The following USP47 variants were observed in gnomAD, a reference collection of about 807,000 sequenced individuals.
USP47 encodes ubiquitin specific peptidase 47, also known as ubiquitin carboxyl-terminal hydrolase 47.
In USP47, 35 loss-of-function variants were observed where a neutral mutation model predicts 165.1. The observed-to-expected ratio is 0.21, with a 90% CI of 0.16 to 0.28. The LOEUF (loss-of-function observed/expected upper bound fraction) is 0.28. Ranked by LOEUF, USP47 falls within the 10% of genes least tolerant of loss-of-function variation. The pLI, the probability that USP47 is intolerant of heterozygous loss-of-function variation, is 1.00. For missense variants in USP47, 1,277 were observed against 1,607.4 expected (o/e 0.79, Z 3.52); for synonymous variants, 531 against 544.5 (o/e 0.98, Z 0.35).
intron 1 of USP47, among the ~76,000 whole-genome samples, chr11:11,869,320 T>A (rs893017344): frequency 2.2e-4 from 33 of 152,122 alleles, no homozygotes; most frequent in African/African-American, 7.7e-4. Context: ...TGAGAATTTT[T>A]TTTTTTTGCT....
intron 1 of USP47, among the ~76,000 whole-genome samples, chr11:11,862,703 C>T (rs576258932): frequency 1.3e-5 from 2 of 152,150 alleles, no homozygotes; most frequent in South Asian, 2.1e-4. Flanking sequence ...TTTGTATAAA[C>T]GTATGGGATA....
Position 11,875,033 on chromosome 11 carries a change from TTGTGTGTGTGTGTGTGTGTGTG to T in USP47, c.40-5116_40-5095del, listed in dbSNP as rs57342188. 2.6e-3 allele frequency among the ~76,000 whole-genome samples: 249 copies of T among 95,426 alleles called. 2 individuals are homozygous for T. Among genetic ancestry groups the T allele is most frequent in the Non-Finnish European group, 4.7e-3 (206 of 44,140 alleles). 62.6% of individuals were successfully genotyped at this position (95,426 alleles called of 152,430 possible). ...CCAAAAGGGAGAGAAAATTGACTTA[TTGTGTGTGTGTGTGTGTGTGTG>T]TGTGTGTGTGTGTGTGTGTGTGTGT... On this transcript the variant is annotated intron_variant, in intron 1 of 27. Coordinates refer to ENST00000527733, the MANE Select transcript of USP47 (RefSeq NM_001282659.2).
At chr11:11,897,511 C>G in intron 4 of USP47, 86 bp from the exon 5 acceptor site, 1 of 1,023,336 alleles carries the variant, frequency 9.8e-7, no homozygotes. Flanking sequence ...ACCTCTGAAT[C>G]TTTACTGTGA....
At chr11:11,948,626 T>C (rs572210041) in intron 22 of USP47, 68 bp downstream of exon 22, 1 of 1,424,056 alleles carries the variant, frequency 7.0e-7, no homozygotes. Context: ...GAATATATTT[T>C]ATTCATAGTC....
In USP47 at chr11:11,946,173, A is replaced by G. The variant is rs533787717; in HGVS notation, c.3092-1772A>G. ...AAGCTATGCTAAACATTTTACATGT[A>G]TTGACCCCAGAACATAACTTTGAGG... is the stretch of plus-strand genomic sequence containing the variant. On this transcript the variant is annotated intron_variant, in intron 20 of 27. Transcript: ENST00000527733. Among the ~76,000 whole-genome samples, 24 of 152,296 alleles carry G rather than the reference A, an allele frequency of 1.6e-4. No individual in the cohort carries two copies. The East Asian group carries it at 4.1e-3, about 26-fold the overall frequency.
intron 15 of USP47, 151 bp downstream of exon 15, chr11:11,933,267 A>G: frequency 1.4e-6 from 1 of 701,872 alleles, no homozygotes. Flanking sequence ...TAAAGGTAAA[A>G]TTTGATTTGA....
Position 11,950,420 on chromosome 11 carries a change from A to T in USP47, c.3521A>T (p.His1174Leu). 6.2e-7 allele frequency: 1 copy of T among 1,607,806 alleles called. No homozygotes were observed. Among genetic ancestry groups the T allele is most frequent in the East Asian group, 2.2e-5 (1 of 44,548 alleles). The stretch of plus-strand genomic sequence containing the variant: ...CCTGGCACTGTCTTTTTGGATTATC[A>T]TATTTATGAAGAAGATATTAATATT... ...KNPGTVFLDY[H>L]IYEEDINISS... is the part of the protein sequence containing the mutation. The change falls in exon 24 of 28, where the codon CAT becomes CTT. Residue 1174 changes from histidine (H) to leucine (L), a missense_variant. This residue lies in a region of USP47 where 909 missense variants were observed against 1,068.1 expected (regional missense o/e 0.85). Transcript: ENST00000527733.
intron 5 of USP47, 151 bp downstream of exon 5, chr11:11,897,844 C>T: frequency 1.8e-6 from 1 of 566,150 alleles, no homozygotes; most frequent in Non-Finnish European, 3.1e-6. Flanking sequence ...TAACAAAGAT[C>T]TTGTGAAAAA....
At chr11:11,927,798 T>C (rs1270498775) in intron 11 of USP47, among the ~76,000 whole-genome samples, 1 of 152,080 alleles carries the variant, frequency 6.6e-6, no homozygotes. Context: ...AGGACACGTT[T>C]TTATGTAATT....
chr11:11,854,236 A>G (rs1477020842), intron 1 of USP47, among the ~76,000 whole-genome samples: 3 of 146,340 alleles, frequency 2.1e-5, no homozygotes, highest in Non-Finnish European at 4.6e-5. Flanking sequence ...ATCCTACAGC[A>G]CCTTTGGCAT....
chr11:11,934,697 T>C lies in USP47; in HGVS notation c.1869+762T>C, dbSNP rs1050413655. Among the ~76,000 whole-genome samples, 62 of 152,214 alleles carry C rather than the reference T, an allele frequency of 4.1e-4. 1 individual carries two copies. Among genetic ancestry groups the C allele is most frequent in the Non-Finnish European group, 7.4e-5 (5 of 67,994 alleles). The stretch of plus-strand genomic sequence containing the variant: ...AAATGAAATTAGAGATTTTGTGAAA[T>C]AGAAGTTTACGTTTTGTTCTCTAAG... On this transcript the variant is annotated intron_variant, in intron 16 of 27. Transcript: ENST00000527733.
Position 11,920,490 on chromosome 11 carries a change from A to G in USP47, c.1214A>G (p.Asp405Gly). Residue 405 changes from aspartate (D) to glycine (G), a missense_variant, in exon 10 of 28, where the codon GAT becomes GGT. Physicochemically the swap from Asp to Gly is moderately conservative, Grantham distance 94 (BLOSUM62 -1). Coordinates refer to ENST00000527733, the MANE Select transcript of USP47 (RefSeq NM_001282659.2). ...LDMSTFIDVE[D>G]EKSPQTESCT... The stretch of plus-strand genomic sequence containing the variant: ...ATGAGTACTTTTATTGATGTTGAAG[A>G]TGAGGTAAATATTTGTTATTTTAAA... 6.2e-7 allele frequency: 1 copy of G among 1,600,704 alleles called. No homozygotes were observed. The highest frequency in any genetic ancestry group is 8.5e-7 in the Non-Finnish European group (1 of 1,175,088).
At chr11:11,921,170 A>G (rs189554144) in intron 10 of USP47, among the ~76,000 whole-genome samples, 1 of 151,780 alleles carries the variant, frequency 6.6e-6, no homozygotes. Context: ...ATTATGTGGA[A>G]TACTTATAAT....
chr11:11,912,763 T>C (rs1853096282), intron 8 of USP47, among the ~76,000 whole-genome samples: 1 of 152,076 alleles, frequency 6.6e-6, no homozygotes, highest in South Asian at 2.1e-4. Context: ...TAAAATTCTT[T>C]CCAAAATATT....
At chr11:11,856,664 G>A (rs1039062485) in intron 1 of USP47, 3 of 152,206 alleles carry the variant, frequency 2.0e-5, no homozygotes, top group Non-Finnish European at 4.4e-5. Context: ...CACAACTGAT[G>A]CTGGAAGGGA....
intron 1 of USP47, among the ~76,000 whole-genome samples, chr11:11,847,868 A>G (rs1476574723): frequency 1.3e-5 from 2 of 152,342 alleles, no homozygotes; most frequent in Non-Finnish European, 2.9e-5. Flanking sequence ...TGCAATTTGA[A>G]TGATAGGTAC....
At chr11:11,945,939 C>A (rs560478997) in intron 20 of USP47, among the ~76,000 whole-genome samples, 12 of 142,688 alleles carry the variant, frequency 8.4e-5, no homozygotes, top group East Asian at 2.0e-4. Context: ...TGTCCCCCCC[C>A]CAAAAAAAAA....
chr11:11,947,835 G>A, intron 20 of USP47, 110 bp from the exon 21 acceptor site: 2 of 1,089,148 alleles, frequency 1.8e-6, no homozygotes, highest in Non-Finnish European at 2.6e-6. Context: ...ACTGAAAAGG[G>A]GTACTCTTTA....
chr11:11,884,281 G>A (rs1851013510), intron 2 of USP47, among the ~76,000 whole-genome samples, 186 bp from the exon 3 acceptor site: 1 of 152,080 alleles, frequency 6.6e-6, no homozygotes, highest in African/African-American at 2.4e-5. Flanking sequence ...ACCTATCAGT[G>A]TATGCACTGT....
Sources: gnomAD v4.1 joint callset for allele counts (sites outside exome capture counted in the v4.1 genomes callset) on GRCh38, gnomAD v4.1.1 for gene constraint, gnomAD v4.1.1 regional missense constraint, MANE v1.5 for transcripts, NCBI Gene and HGNC (gene_info 2026-07-23, HGNC 2026-07-21) for gene names.